Variants in KIF6 observed in about 807,000 individuals in gnomAD.
KIF6 encodes the protein kinesin-like protein KIF6.
Under a neutral mutation model 112.7 loss-of-function variants are expected in KIF6, and 106 were observed. The observed-to-expected ratio is 0.94, with a 90% CI of 0.80 to 1.11. The LOEUF (loss-of-function observed/expected upper bound fraction) is 1.11. Ranked by LOEUF, KIF6 falls within the 50% of genes least tolerant of loss-of-function variation. KIF6 has a pLI of 0.00. For missense variants in KIF6, 929 were observed against 964.0 expected (o/e 0.96, Z 0.48); for synonymous variants, 339 against 339.9 (o/e 1.00, Z 0.03).
At chr6:39,336,695 T>G in intron 22 of KIF6, 147 bp from the exon 23 acceptor site, 1 of 722,842 alleles carries the variant, frequency 1.4e-6, no homozygotes, top group African/African-American at 1.7e-5. Flanking sequence ...GGAGCTGCAT[T>G]TATACCCCAA....
chr6:39,485,526 G>C (rs1775059586), intron 13 of KIF6, among the ~76,000 whole-genome samples: 1 of 152,130 alleles, frequency 6.6e-6, no homozygotes, highest in African/African-American at 2.4e-5. Context: ...ACTTAGAACA[G>C]GGCTTGACAC....
At chr6:39,483,518 C>T (rs1463944509) in intron 13 of KIF6, among the ~76,000 whole-genome samples, 3 of 152,148 alleles carry the variant, frequency 2.0e-5, no homozygotes, top group Non-Finnish European at 4.4e-5. Flanking sequence ...GTCTGACATG[C>T]CAAGTTTTCT....
At chr6:39,427,211 T>A (rs1419958207) in intron 14 of KIF6, among the ~76,000 whole-genome samples, 2 of 152,106 alleles carry the variant, frequency 1.3e-5, no homozygotes, top group Non-Finnish European at 2.9e-5. Flanking sequence ...CTTCCCACAG[T>A]TGGGCCACAT....
intron 13 of KIF6, among the ~76,000 whole-genome samples, chr6:39,445,411 G>A (rs565565938): frequency 2.8e-3 from 421 of 152,282 alleles, no homozygotes; most frequent in African/African-American, 9.7e-3. Flanking sequence ...TATAACATTC[G>A]TTTATTCATT....
chr6:39,478,424 T>C (rs567199058), intron 13 of KIF6, among the ~76,000 whole-genome samples: 5 of 152,338 alleles, frequency 3.3e-5, no homozygotes, highest in African/African-American at 1.2e-4. Context: ...ATCATGTCAT[T>C]ATCCACTTGT....
chr6:39,653,582 A>G (rs1162728687), intron 3 of KIF6, among the ~76,000 whole-genome samples: 1 of 152,190 alleles, frequency 6.6e-6, no homozygotes, highest in Non-Finnish European at 1.5e-5. Context: ...ACTCTTTTCA[A>G]TTCCCCATCT....
chr6:39,691,960 A>G (rs1788235931), intron 3 of KIF6: 1 of 152,218 alleles, frequency 6.6e-6, no homozygotes. Flanking sequence ...CTATTAAAAA[A>G]CAAAAACAAA....
intron 13 of KIF6, among the ~76,000 whole-genome samples, chr6:39,539,299 C>T (rs1052052730): frequency 3.3e-5 from 5 of 151,514 alleles, no homozygotes; most frequent in South Asian, 2.1e-4. Context: ...AATGCTATTA[C>T]GTGACAAAGT....
At chr6:39,624,140 A>G (rs1054938686) in intron 5 of KIF6, among the ~76,000 whole-genome samples, 4 of 152,196 alleles carry the variant, frequency 2.6e-5, no homozygotes, top group African/African-American at 9.6e-5. Flanking sequence ...CTCTTTTCAC[A>G]TGTACATACA....
At chr6:39,538,942 T>A (rs1582085439) in intron 13 of KIF6, among the ~76,000 whole-genome samples, 1 of 150,994 alleles carries the variant, frequency 6.6e-6, no homozygotes, top group African/African-American at 2.4e-5. Context: ...TTGGAAATCA[T>A]CATTCTCAGT....
At chr6:39,577,749 T>C (rs1781049195) in intron 10 of KIF6, among the ~76,000 whole-genome samples, 1 of 152,232 alleles carries the variant, frequency 6.6e-6, no homozygotes, top group South Asian at 2.1e-4. Context: ...CAAGAGTGTT[T>C]GGTGTGTGTG....
intron 15 of KIF6, among the ~76,000 whole-genome samples, chr6:39,415,437 C>A (rs1162135275): frequency 6.6e-6 from 1 of 152,068 alleles, no homozygotes; most frequent in Non-Finnish European, 1.5e-5. Flanking sequence ...AGGTGTGTCT[C>A]CTCCCTGTGA....
chr6:39,661,831 T>G (rs140836725), intron 3 of KIF6, among the ~76,000 whole-genome samples: 1 of 152,174 alleles, frequency 6.6e-6, no homozygotes, highest in Non-Finnish European at 1.5e-5. Flanking sequence ...CCTTCTCCAC[T>G]TAGCAACCAG....
chr6:39,465,532 A>G (rs1773732903), intron 13 of KIF6, among the ~76,000 whole-genome samples: 1 of 152,042 alleles, frequency 6.6e-6, no homozygotes, highest in Non-Finnish European at 1.5e-5. Context: ...AACTCTCATC[A>G]TCTCATGCCT....
At chr6:39,682,682 C>A (rs1384619468) in intron 3 of KIF6, among the ~76,000 whole-genome samples, 3 of 152,098 alleles carry the variant, frequency 2.0e-5, no homozygotes, top group Non-Finnish European at 2.9e-5. Context: ...TGGGTTCAAG[C>A]GATTCTCCTG....
chr6:39,674,800 A>G (rs551946914), intron 3 of KIF6, among the ~76,000 whole-genome samples: 11 of 149,790 alleles, frequency 7.3e-5, no homozygotes, highest in African/African-American at 2.5e-4. Context: ...GCTGGGAGGT[A>G]AAACTAACAT....
chr6:39,499,196 G>C (rs1775965008), intron 13 of KIF6, among the ~76,000 whole-genome samples: 1 of 152,218 alleles, frequency 6.6e-6, no homozygotes, highest in African/African-American at 2.4e-5. Context: ...CCCTAGCCAG[G>C]TGGTTAAAAC....
intron 13 of KIF6, among the ~76,000 whole-genome samples, chr6:39,438,053 C>T (rs1313296186): frequency 6.6e-6 from 1 of 152,198 alleles, no homozygotes; most frequent in Non-Finnish European, 1.5e-5. Context: ...TCTTGGCTCA[C>T]TGCAACTTCT....
chr6:39,585,242 G>C (rs1781559036), intron 8 of KIF6, among the ~76,000 whole-genome samples: 1 of 152,204 alleles, frequency 6.6e-6, no homozygotes, highest in African/African-American at 2.4e-5. Flanking sequence ...GTGGTTTCAG[G>C]ATGAAACTGT....
Sources: gnomAD v4.1 joint callset for allele counts (sites outside exome capture counted in the v4.1 genomes callset) on GRCh38, gnomAD v4.1.1 for gene constraint, MANE v1.5 for transcripts, NCBI Gene and HGNC (gene_info 2026-07-23, HGNC 2026-07-21) for gene names.